Variants in FGF14 observed in about 807,000 individuals in gnomAD.
FGF14 encodes the protein fibroblast growth factor homologous factor 4.
In FGF14, 5 loss-of-function variants were observed where a neutral mutation model predicts 25.5. That is an observed-to-expected ratio of 0.20 (90% CI 0.10 to 0.41). FGF14 has a LOEUF of 0.41. Among genes scored for constraint, FGF14 ranks in the 10% least tolerant of loss-of-function variants. FGF14 has a pLI of 1.00. For missense variants in FGF14, 222 were observed against 320.1 expected, an observed-to-expected ratio of 0.69 and a Z score of 2.34; for synonymous variants, 138 against 118.3, an observed-to-expected ratio of 1.17 and a Z score of -1.08.
At chr13:102,391,502 C>T (rs780644620) in intron 1 of FGF14, among the ~76,000 whole-genome samples, 1 of 152,146 alleles carries the variant, frequency 6.6e-6, no homozygotes, top group Admixed American at 6.5e-5. Context: ...TATCCTATAT[C>T]AAATTTCTTA....
chr13:101,917,294 C>A (rs940367978), upstream of FGF14, among the ~76,000 whole-genome samples: 7 of 152,114 alleles, frequency 4.6e-5, no homozygotes, highest in Non-Finnish European at 1.0e-4. Context: ...TCCCACCCCA[C>A]TACACCCCCT....
At position 101,955,606 on chromosome 13, in the gene FGF14, C is replaced by T. The variant is rs531838888; in HGVS notation, c.209-80310G>A. ...ATGACAGCATTGGATGTGCGTGACA[C>T]GCCACCTTCACATGCAAGTCTCCTG... On this transcript the variant is annotated intron_variant, in intron 1 of 4. Transcript: ENST00000376131. Among the ~76,000 whole-genome samples the T allele has an allele frequency of 1.1e-4, 16 of 152,318 alleles. 1 individual carries two copies. Among genetic ancestry groups the T allele is most frequent in the African/African-American group, 2.2e-4 (9 of 41,574 alleles).
At chr13:101,737,999 A>G (rs2036298543) in intron 3 of FGF14, among the ~76,000 whole-genome samples, 1 of 152,180 alleles carries the variant, frequency 6.6e-6, no homozygotes, top group Non-Finnish European at 1.5e-5. Flanking sequence ...AAATATAAGC[A>G]GGTTCTACAA....
chr13:101,851,347 T>A (rs2043837568), intron 3 of FGF14, among the ~76,000 whole-genome samples: 1 of 151,932 alleles, frequency 6.6e-6, no homozygotes, highest in African/African-American at 2.4e-5. Context: ...TGGGTCAGAT[T>A]TCTCCCCCTG....
chr13:102,281,118 AAC>A, intron 1 of FGF14, among the ~76,000 whole-genome samples: 1 of 152,222 alleles, frequency 6.6e-6, no homozygotes, highest in East Asian at 1.9e-4. Flanking sequence ...CACAAGGCCA[AAC>A]ATAAAATAAT....
At chr13:101,887,938 GGT>G (rs2138862078) in intron 1 of FGF14, among the ~76,000 whole-genome samples, 1 of 152,306 alleles carries the variant, frequency 6.6e-6, no homozygotes, top group South Asian at 2.1e-4. Context: ...TTTTAATCCA[GGT>G]GGTTAGTGGA....
At chr13:102,230,798 G>A (rs2051049688) in intron 1 of FGF14, among the ~76,000 whole-genome samples, 1 of 152,056 alleles carries the variant, frequency 6.6e-6, no homozygotes, top group African/African-American at 2.4e-5. Flanking sequence ...CCTGTAAAGA[G>A]CATTGGAAAA....
intron 3 of FGF14, among the ~76,000 whole-genome samples, chr13:101,855,116 G>A (rs1469504375): frequency 1.3e-5 from 2 of 151,872 alleles, no homozygotes; most frequent in African/African-American, 4.8e-5. Flanking sequence ...TCACACCCAC[G>A]CATTCTGCAT....
chr13:102,334,775 C>T (rs568660014), intron 1 of FGF14, among the ~76,000 whole-genome samples: 1 of 152,148 alleles, frequency 6.6e-6, no homozygotes, highest in Non-Finnish European at 1.5e-5. Flanking sequence ...ACGTGTCTTG[C>T]ATTTTTAGTT....
intron 1 of FGF14, among the ~76,000 whole-genome samples, chr13:102,171,586 C>T (rs898236212): frequency 2.0e-5 from 3 of 152,086 alleles, no homozygotes; most frequent in African/African-American, 7.2e-5. Context: ...ATGTCTTTCT[C>T]ACTTAAATCT....
intron 1 of FGF14, among the ~76,000 whole-genome samples, chr13:102,191,508 C>T (rs1383250464): frequency 2.0e-5 from 3 of 152,090 alleles, no homozygotes; most frequent in Admixed American, 2.0e-4. Context: ...GCACTAATCC[C>T]ATCATGAGTT....
intron 1 of FGF14, among the ~76,000 whole-genome samples, chr13:102,276,106 G>T (rs995173635): frequency 1.3e-5 from 2 of 151,606 alleles, no homozygotes; most frequent in African/African-American, 4.8e-5. Context: ...TCAGCAAATT[G>T]TTCAGTCTGA....
chr13:101,868,900 A>T, intron 2 of FGF14, 72 bp from the exon 3 acceptor site: 2 of 930,726 alleles, frequency 2.1e-6, no homozygotes, highest in East Asian at 2.4e-5. Flanking sequence ...TTTCTTTCTG[A>T]TTTATTTTAT....
intron 1 of FGF14, among the ~76,000 whole-genome samples, chr13:102,348,438 T>A (rs1263006162): frequency 2.0e-5 from 3 of 152,138 alleles, no homozygotes; most frequent in Non-Finnish European, 2.9e-5. Flanking sequence ...TCTCCCTCCA[T>A]CCATAGTGCA....
At chr13:102,032,974 G>T (rs1005398074) in intron 1 of FGF14, among the ~76,000 whole-genome samples, 1 of 152,060 alleles carries the variant, frequency 6.6e-6, no homozygotes, top group African/African-American at 2.4e-5. Context: ...ACTCTTCAGA[G>T]GATAAACTTC....
intron 1 of FGF14, among the ~76,000 whole-genome samples, chr13:102,043,362 A>T (rs1926009): frequency 0.44 from 66,480 of 151,920 alleles, 15,013 homozygotes; most frequent in East Asian, 0.72. Flanking sequence ...AATTGGAACC[A>T]GGCTGCATTA....
chr13:101,816,027 T>C (rs1377702904), intron 3 of FGF14, among the ~76,000 whole-genome samples: 1 of 151,766 alleles, frequency 6.6e-6, no homozygotes, highest in Non-Finnish European at 1.5e-5. Flanking sequence ...TCCTAGCACT[T>C]TGGGAGGCCG....
chr13:102,193,471 C>G (rs1267359068), intron 1 of FGF14, among the ~76,000 whole-genome samples: 1 of 152,086 alleles, frequency 6.6e-6, no homozygotes, highest in Non-Finnish European at 1.5e-5. Flanking sequence ...AGTTGAGACA[C>G]CTGAAAAGGT....
rs79159523 is a variant in FGF14, at chr13:101,792,146, T to C, written c.409-65336A>G. 6.9e-3 allele frequency among the ~76,000 whole-genome samples: 1,052 copies of C among 152,010 alleles called. 12 individuals carry two copies. The highest frequency in any genetic ancestry group is 0.023 in the African/African-American group (965 of 41,468). ...TTAACAGTGTAGAGTTTAAGGAAAA[T>C]GCAAGTAGAATAAGTGAAGAAAGAA... is the stretch of plus-strand genomic sequence containing the variant. On this transcript the variant is annotated intron_variant, in intron 3 of 4. Coordinates refer to ENST00000376143, the MANE Select transcript of FGF14 (RefSeq NM_004115.4).
Sources: allele counts gnomAD v4.1 joint callset (sites outside exome capture counted in the v4.1 genomes callset), GRCh38; gene constraint gnomAD v4.1.1; transcripts MANE v1.5; gene names NCBI Gene and HGNC (gene_info 2026-07-23, HGNC 2026-07-21).